Variants in VAV3 observed in about 807,000 individuals in gnomAD.
VAV3 encodes the protein vav guanine nucleotide exchange factor 3.
VAV3 carries 94 observed loss-of-function variants against 131.2 expected under a neutral mutation model. The ratio of observed to expected loss-of-function variants is 0.72; its 90% CI spans 0.61 to 0.85. The LOEUF (loss-of-function observed/expected upper bound fraction) is 0.85. Ranked by LOEUF, VAV3 falls within the 40% of genes least tolerant of loss-of-function variation. The probability of loss-of-function intolerance (pLI) is 0.00; values close to 1 mark genes in which losing one functional copy is unlikely to be tolerated. For synonymous variants in VAV3, 349 were observed against 342.0 expected (o/e 1.02, Z -0.22); for missense variants, 939 against 1,002.7 (o/e 0.94, Z 0.86).
rs533238907 is a variant in VAV3, at chr1:107,634,916, C to T, written c.1914+7703G>A. On this transcript the variant is annotated intron_variant, in intron 20 of 26. Coordinates refer to ENST00000370056, the MANE Select transcript of VAV3 (RefSeq NM_006113.5). ...AGAGAAATGCAAATCAAAACCACAA[C>T]GAGATACCATCTCACACCAGTTAGA... Among the ~76,000 whole-genome samples the T allele has an allele frequency of 7.0e-4, 107 of 151,822 alleles. No individual in the cohort carries two copies. In the East Asian group the frequency reaches 0.012, roughly 17 times the overall value.
chr1:107,724,450 T>C (rs1570832708), intron 15 of VAV3, among the ~76,000 whole-genome samples: 4 of 152,328 alleles, frequency 2.6e-5, no homozygotes, highest in Admixed American at 2.6e-4. Context: ...ATTAAATGCC[T>C]GATGAGTACC....
At chr1:107,719,103 C>T (rs1439885063) in intron 15 of VAV3, among the ~76,000 whole-genome samples, 4 of 152,088 alleles carry the variant, frequency 2.6e-5, no homozygotes, top group African/African-American at 7.2e-5. Flanking sequence ...CCATAAAAAC[C>T]CTAGAAGAAA....
In VAV3 at chr1:107,813,118, C is replaced by CA. The variant is rs11310564; in HGVS notation, c.322-33627dup. 2.4e-3 allele frequency among the ~76,000 whole-genome samples: 314 copies of CA among 133,206 alleles called. 5 individuals carry two copies. The highest frequency in any genetic ancestry group is 3.8e-3 in the African/African-American group (131 of 34,848). The allele number at this position is 133,206 out of a possible 152,430, so 87.4% of individuals were successfully genotyped here. ...TAAGCGACAGAGCCAGACTCCGTCT[C>CA]AAAAAAAAAAAAAAACTCTTGATAA... On this transcript the variant is annotated intron_variant, in intron 2 of 26. Transcript: ENST00000370056.
intron 15 of VAV3, among the ~76,000 whole-genome samples, chr1:107,730,844 G>A (rs1662194667): frequency 1.3e-5 from 2 of 152,134 alleles, no homozygotes; most frequent in African/African-American, 4.8e-5. Flanking sequence ...GAAAACAACA[G>A]TAGGTGTTCT....
At chr1:107,636,704 T>C (rs1268053035) in intron 20 of VAV3, among the ~76,000 whole-genome samples, 2 of 152,214 alleles carry the variant, frequency 1.3e-5, no homozygotes, top group East Asian at 1.9e-4. Context: ...TTCTACTGCA[T>C]GTGTATCATT....
At chr1:107,757,434 T>C (rs964127545) in intron 10 of VAV3, 105 bp from the exon 11 acceptor site, 16 of 998,172 alleles carry the variant, frequency 1.6e-5, no homozygotes, top group Non-Finnish European at 2.3e-5. Context: ...TTTCTCTCTA[T>C]AATGTGATAA....
intron 2 of VAV3, among the ~76,000 whole-genome samples, chr1:107,819,058 T>C (rs1177056918): frequency 6.6e-6 from 1 of 152,136 alleles, no homozygotes; most frequent in Non-Finnish European, 1.5e-5. Flanking sequence ...TAACTCAAGT[T>C]TGGAAAAAAA....
chr1:107,643,732 T>C (rs1655523876), intron 19 of VAV3, among the ~76,000 whole-genome samples: 1 of 152,176 alleles, frequency 6.6e-6, no homozygotes, highest in Non-Finnish European at 1.5e-5. Flanking sequence ...CCAAGTTACC[T>C]AGAAAACTCT....
intron 2 of VAV3, among the ~76,000 whole-genome samples, chr1:107,805,495 T>G (rs376030332): frequency 1.4e-4 from 22 of 152,310 alleles, no homozygotes; most frequent in African/African-American, 3.4e-4. Context: ...AGTTCCAAAT[T>G]TGTTTGATCT....
intron 19 of VAV3, among the ~76,000 whole-genome samples, chr1:107,653,863 T>A (rs942230152): frequency 3.3e-5 from 5 of 151,918 alleles, no homozygotes; most frequent in African/African-American, 1.2e-4. Flanking sequence ...ACTGAAAAAA[T>A]TGCTCCCTTC....
At chr1:107,687,885 A>C (rs951800439) in intron 18 of VAV3, among the ~76,000 whole-genome samples, 8 of 152,330 alleles carry the variant, frequency 5.3e-5, no homozygotes, top group South Asian at 2.1e-4. Context: ...GTTAAACCAA[A>C]AGGAAATGTT....
At chr1:107,579,769 T>C (rs987006488) in intron 25 of VAV3, among the ~76,000 whole-genome samples, 1 of 152,218 alleles carries the variant, frequency 6.6e-6, no homozygotes, top group Non-Finnish European at 1.5e-5. Context: ...TGACAATTCA[T>C]AATCTGGCCA....
intron 4 of VAV3, among the ~76,000 whole-genome samples, chr1:107,776,689 T>A (rs941177480): frequency 6.6e-6 from 1 of 152,142 alleles, no homozygotes; most frequent in African/African-American, 2.4e-5. Flanking sequence ...CCTTGAGGAG[T>A]AACGATCACG....
At chr1:107,636,442 C>T (rs1208107632) in intron 20 of VAV3, among the ~76,000 whole-genome samples, 1 of 152,068 alleles carries the variant, frequency 6.6e-6, no homozygotes, top group Non-Finnish European at 1.5e-5. Context: ...TGGGGTTATG[C>T]CCTGATAAAC....
At chr1:107,596,028 T>C (rs1012969534) in intron 25 of VAV3, among the ~76,000 whole-genome samples, 184 bp downstream of exon 25, 3 of 152,178 alleles carry the variant, frequency 2.0e-5, no homozygotes, top group Non-Finnish European at 4.4e-5. Flanking sequence ...TAAAGATCTA[T>C]AATTAGACAT....
chr1:107,959,786 G>GT (rs1187432886), intron 1 of VAV3, among the ~76,000 whole-genome samples: 2 of 151,990 alleles, frequency 1.3e-5, no homozygotes, highest in Non-Finnish European at 2.9e-5. Flanking sequence ...CTTGCTCGGC[G>GT]TACCCATCTA....
intron 25 of VAV3, among the ~76,000 whole-genome samples, chr1:107,579,833 CA>C (rs944467895): frequency 3.9e-4 from 60 of 152,264 alleles, no homozygotes; most frequent in Non-Finnish European, 1.0e-4. Context: ...TCTCTTTACC[CA>C]GACCAGCTTC....
At chr1:107,934,323 T>TC (rs1673603610) in intron 1 of VAV3, among the ~76,000 whole-genome samples, 1 of 152,220 alleles carries the variant, frequency 6.6e-6, no homozygotes, top group South Asian at 2.1e-4. Context: ...CATAAACTCT[T>TC]CTGCTGCTAA....
At chr1:107,960,172 G>A (rs1464556610) in intron 1 of VAV3, among the ~76,000 whole-genome samples, 2 of 152,182 alleles carry the variant, frequency 1.3e-5, no homozygotes, top group Non-Finnish European at 2.9e-5. Context: ...GTAACTGTAG[G>A]AAAGGTAAAT....
Sources: gnomAD v4.1 joint callset for allele counts (sites outside exome capture counted in the v4.1 genomes callset) on GRCh38, gnomAD v4.1.1 for gene constraint, MANE v1.5 for transcripts, NCBI Gene and HGNC (gene_info 2026-07-23, HGNC 2026-07-21) for gene names.